The following ADPRS variants were observed in gnomAD, a reference collection of about 807,000 sequenced individuals.
The protein encoded by ADPRS is ADP-ribosylhydrolase ARH3.
In ADPRS, 25 loss-of-function variants were observed where a neutral mutation model predicts 32.1. The observed-to-expected ratio is 0.78, with a 90% confidence interval of 0.57 to 1.09. The LOEUF (loss-of-function observed/expected upper bound fraction) is 1.09. ADPRS is among the 50% of genes least tolerant of loss of function. The probability of loss-of-function intolerance (pLI) is 0.00; values close to 1 mark genes in which losing one functional copy is unlikely to be tolerated. For synonymous variants in ADPRS, 225 were observed against 201.0 expected (o/e 1.12, Z -1.01); for missense variants, 482 against 480.6 (o/e 1.00, Z -0.03).
chr1:36,092,037 T>C lies in ADPRS; in HGVS notation c.644T>C (p.Leu215Pro). ...ESSSEHFLKQ[L>P]LGHMEDLEGD... ...TCCAGCGAGCACTTTCTCAAGCAAC[T>C]CCTGGGCCACATGGAGGATCTGGAG... is the stretch of plus-strand genomic sequence containing the variant. Residue 215 changes from leucine to proline, a missense_variant, in exon 4 of 6, where the codon CTC (leucine) becomes CCC (proline). Transcript: ENST00000373178. 1 of 1,613,928 alleles carries C rather than the reference T, an allele frequency of 6.2e-7. No homozygotes were observed. Among genetic ancestry groups the C allele is most frequent in the Non-Finnish European group, 8.5e-7 (1 of 1,179,942 alleles).
rs141054696 is a variant in ADPRS at position 36,090,234 on chromosome 1, A to C, written c.212-1010A>C. ...CTACTCCAGAGACTGAGGTGGAAGGATCATCGCTTAAGTCCAGGAGTTCGA... is the reference window on the plus strand; with the variant it reads ...CTACTCCAGAGACTGAGGTGGAAGGCTCATCGCTTAAGTCCAGGAGTTCGA... On this transcript the variant is annotated intron_variant, in intron 1 of 5. Transcript: ENST00000373178. Among the ~76,000 whole-genome samples, 1,318 of 152,232 alleles carry C rather than the reference A, an allele frequency of 8.7e-3. 11 individuals are homozygous for C. The highest frequency in any genetic ancestry group is 0.015 in the South Asian group (72 of 4,822).
rs1223575077 is a variant in ADPRS, at chr1:36,088,922, G to GGCGGCA, written c.26_31dup (p.Ala9_Ala10dup). Reference sequence around the variant, plus strand: ...GCGCGCGGATGGCCGCAGCGGCGATGGCGGCAGCGGCAGGTGGAGGGGCTG... The same window carrying GGCGGCA: ...GCGCGCGGATGGCCGCAGCGGCGATGGCGGCAGCGGCAGCGGCAGGTGGAGGGGCTG... On this transcript the variant is annotated inframe_insertion, in exon 1 of 6. Coordinates refer to ENST00000373178, the MANE Select transcript of ADPRS (RefSeq NM_017825.3). 7.9e-6 allele frequency: 12 copies of GGCGGCA among 1,526,048 alleles called. No homozygotes were observed. The East Asian group carries it at 2.8e-4, about 36-fold the overall frequency. 94.5% of individuals were successfully genotyped at this position (1,526,048 alleles called of 1,614,324 possible). A position where few individuals can be genotyped will look rare whatever the true frequency, so the allele number is the denominator to read the frequency against.
rs561337860 is a variant in ADPRS at position 36,093,278 on chromosome 1, C to T, written c.984C>T (p.Ala328=). 3.1e-6 allele frequency: 5 copies of T among 1,614,258 alleles called. No individual in the cohort carries two copies. In the Admixed American group the frequency reaches 5.0e-5, roughly 16 times the overall value. The change falls in exon 6 of 6, where the codon GCC becomes GCT. Residue 328 remains alanine (A), a synonymous_variant. Coordinates refer to ENST00000373178, the MANE Select transcript of ADPRS (RefSeq NM_017825.3). ...CCATGGCTGGGGCCATTGCTGGTGC[C>T]TACTATGGGATGGATCAGGTGCCAG... ...IATMAGAIAG[A]YYGMDQVPES...
At chr1:36,089,194 C>T (rs1643443691) in intron 1 of ADPRS, 79 bp downstream of exon 1, 3 of 1,344,014 alleles carry the variant, frequency 2.2e-6, no homozygotes, top group South Asian at 3.6e-5. Context: ...GGCGACGGGT[C>T]GGGGGTGCGC....
Position 36,088,898 on chromosome 1 carries a change from C to G in ADPRS, c.-7C>G. The G allele has an allele frequency of 6.6e-7, 1 of 1,524,964 alleles. No homozygotes were observed. The allele number at this position is 1,524,964 out of a possible 1,614,324, so 94.5% of individuals were successfully genotyped here. A position where few individuals can be genotyped will look rare whatever the true frequency, so the allele number is the denominator to read the frequency against. On this transcript the variant is annotated 5_prime_UTR_variant, in exon 1 of 6. Coordinates refer to ENST00000373178, the MANE Select transcript of ADPRS (RefSeq NM_017825.3). Reference sequence around the variant, plus strand: ...GGCACCGGAAGTGGCGAGCAGTCTGCGCGCGGATGGCCGCAGCGGCGATGG... The same window carrying G: ...GGCACCGGAAGTGGCGAGCAGTCTGGGCGCGGATGGCCGCAGCGGCGATGG...
At position 36,089,088 on chromosome 1, in the gene ADPRS, C is replaced by A; in HGVS notation, c.184C>A (p.Pro62Thr). 7.0e-7 allele frequency: 1 copy of A among 1,430,660 alleles called. No individual in the cohort carries two copies. Among genetic ancestry groups the A allele is most frequent in the South Asian group, 1.5e-5 (1 of 65,630 alleles). 88.6% of individuals were successfully genotyped at this position (1,430,660 alleles called of 1,614,324 possible). A position where few individuals can be genotyped will look rare whatever the true frequency, so the allele number is the denominator to read the frequency against. Residue 62 changes from proline to threonine, a missense_variant, in exon 1 of 6, where the codon CCC becomes ACC. By Grantham distance (38) the Pro-to-Thr change is conservative. Transcript: ENST00000373178. ...LRHVQSLEPD[P>T]GTPGSERTEA... Reference sequence around the variant, plus strand: ...TCATGTCCAGAGTCTGGAGCCGGACCCCGGCACGCCCGGGAGTGAGCGGAC... The same window carrying A: ...TCATGTCCAGAGTCTGGAGCCGGACACCGGCACGCCCGGGAGTGAGCGGAC...
intron 5 of ADPRS, 90 bp downstream of exon 5, chr1:36,092,612 C>A: frequency 2.5e-6 from 3 of 1,210,400 alleles, no homozygotes; most frequent in Admixed American, 1.9e-5. Context: ...TGCCTGCCGT[C>A]GCATTGTACC....
In ADPRS at chr1:36,091,350, A is replaced by C; in HGVS notation, c.308+10A>C. The C allele has an allele frequency of 6.2e-7, 1 of 1,612,782 alleles. No homozygotes were observed. The highest frequency in any genetic ancestry group is 8.5e-7 in the Non-Finnish European group (1 of 1,178,998). The stretch of plus-strand genomic sequence containing the variant: ...TGGACATGGCTCACAGGTGAGGGGG[A>C]TGGTCCTGGGCTGAGGCAAACCAGG... On this transcript the variant is annotated intron_variant, in intron 2 of 5. Transcript: ENST00000373178.
chr1:36,089,109 C>A lies in ADPRS; in HGVS notation c.205C>A (p.Arg69=). The change falls in exon 1 of 6, where the codon CGG becomes AGG. Residue 69 remains arginine (R), a synonymous_variant. Transcript: ENST00000373178. ...EPDPGTPGSE[R]TEALYYTDDT... is the part of the protein sequence containing the mutation. ...GGACCCCGGCACGCCCGGGAGTGAG[C>A]GGACAGGTGGGCGGGGCCGGGCGCA... is the stretch of plus-strand genomic sequence containing the variant. 2 of 1,417,278 alleles carry A rather than the reference C, an allele frequency of 1.4e-6. No individual in the cohort carries two copies. Among genetic ancestry groups the A allele is most frequent in the East Asian group, 2.9e-5 (1 of 34,622 alleles). 87.8% of individuals were successfully genotyped at this position (1,417,278 alleles called of 1,614,324 possible). A position where few individuals can be genotyped will look rare whatever the true frequency, so the allele number is the denominator to read the frequency against.
chr1:36,090,679 C>CGAA, intron 1 of ADPRS, among the ~76,000 whole-genome samples: 1 of 65,358 alleles, frequency 1.5e-5, no homozygotes, highest in Middle Eastern at 0.021. Flanking sequence ...TCCATCTCTA[C>CGAA]AAAAAAAAAA....
At chr1:36,092,192 C>T in intron 4 of ADPRS, 98 bp downstream of exon 4, 6 of 1,460,616 alleles carry the variant, frequency 4.1e-6, no homozygotes, top group Non-Finnish European at 5.5e-6. Context: ...ATTGCAGACC[C>T]TAGGGAGGCA....
Position 36,088,922 on chromosome 1 carries a change from G to A in ADPRS, c.18G>A (p.Met6Ile), listed in dbSNP as rs1330549282. 4 of 1,526,166 alleles carry A rather than the reference G, an allele frequency of 2.6e-6. No homozygotes were observed. The highest frequency in any genetic ancestry group is 3.5e-6 in the Non-Finnish European group (4 of 1,141,564). 94.5% of individuals were successfully genotyped at this position (1,526,166 alleles called of 1,614,324 possible). A position where few individuals can be genotyped will look rare whatever the true frequency, so the allele number is the denominator to read the frequency against. ...GCGCGCGGATGGCCGCAGCGGCGAT[G>A]GCGGCAGCGGCAGGTGGAGGGGCTG... is the stretch of plus-strand genomic sequence containing the variant. The part of the protein sequence containing the change: MAAAA[M>I]AAAAGGGAGA... Residue 6 changes from methionine (M) to isoleucine (I), a missense_variant, in exon 1 of 6, where the codon ATG becomes ATA. Transcript: ENST00000373178.
intron 1 of ADPRS, among the ~76,000 whole-genome samples, chr1:36,090,760 G>A (rs1643469777): frequency 1.3e-5 from 2 of 149,854 alleles, no homozygotes; most frequent in African/African-American, 4.9e-5. Context: ...GCTGGGGCAA[G>A]AGGCTCCTTG....
chr1:36,093,610 A>G lies in ADPRS; in HGVS notation c.*224A>G, dbSNP rs1354836750. 4 of 594,116 alleles carry G rather than the reference A, an allele frequency of 6.7e-6. No individual in the cohort carries two copies. Among genetic ancestry groups the G allele is most frequent in the Non-Finnish European group, 1.2e-5 (4 of 341,732 alleles). The allele number at this position is 594,116 out of a possible 1,614,324, so 36.8% of individuals were successfully genotyped here. On this transcript the variant is annotated 3_prime_UTR_variant, in exon 6 of 6. Transcript: ENST00000373178. The stretch of plus-strand genomic sequence containing the variant: ...GGTCTCTGGTTTGCTGCAGAGCCGT[A>G]GGACACTCCTGGCTCCTCAGTAGGA...
chr1:36,093,168 C>G lies in ADPRS; in HGVS notation c.874C>G (p.Pro292Ala), dbSNP rs775431453. 1.2e-6 allele frequency: 2 copies of G among 1,614,222 alleles called. No homozygotes were observed. The highest frequency in any genetic ancestry group is 2.2e-5 in the South Asian group (2 of 91,090). The change falls in exon 6 of 6, where the codon CCT becomes GCT. Residue 292 changes from proline to alanine, a missense_variant. By Grantham distance (27) the Pro-to-Ala change is conservative. Transcript: ENST00000373178. ...YCFLRCMEPD[P>A]EIPSAFNSLQ... The stretch of plus-strand genomic sequence containing the variant: ...CTTCCTACGCTGCATGGAGCCAGAC[C>G]CTGAGATCCCTTCTGCCTTCAATAG...
At chr1:36,090,483 A>C (rs565421790) in intron 1 of ADPRS, among the ~76,000 whole-genome samples, 1 of 152,202 alleles carries the variant, frequency 6.6e-6, no homozygotes, top group South Asian at 2.1e-4. Flanking sequence ...CATTGCTGAG[A>C]TCCTAAGGCT....
At position 36,092,150 on chromosome 1, in the gene ADPRS, C is replaced by T. The variant is rs1643493517; in HGVS notation, c.701+56C>T. On this transcript the variant is annotated intron_variant, in intron 4 of 5. Transcript: ENST00000373178. ...GGTATGTGGGTGATCCAGGGGGCCT[C>T]TGGCATTGCCGCAAACTGTAAACCT... 12 of 1,538,448 alleles carry T rather than the reference C, an allele frequency of 7.8e-6. No individual in the cohort carries two copies. In the South Asian group the frequency reaches 1.5e-4, roughly 19 times the overall value.
rs560347495 is a variant in ADPRS, at chr1:36,091,424, T to C, written c.308+84T>C. The C allele has an allele frequency of 1.4e-4, 189 of 1,381,626 alleles. 1 individual carries two copies. In the Admixed American group the frequency reaches 3.5e-3, roughly 26 times the overall value. The allele number at this position is 1,381,626 out of a possible 1,614,324, so 85.6% of individuals were successfully genotyped here. On this transcript the variant is annotated intron_variant, in intron 2 of 5. Transcript: ENST00000373178. ...ACCAGAGGAATGACATTTGTGCATG[T>C]CCACGCCCCCAACCCTCCACAGAAG...
At chr1:36,093,037 G>C in intron 5 of ADPRS, 60 bp from the exon 6 acceptor site, 1 of 1,559,492 alleles carries the variant, frequency 6.4e-7, no homozygotes, top group Non-Finnish European at 8.7e-7. Context: ...GTGCTGACTT[G>C]TGTCAAATGG....
Sources: allele counts gnomAD v4.1 joint callset (sites outside exome capture counted in the v4.1 genomes callset), GRCh38; gene constraint gnomAD v4.1.1; transcripts MANE v1.5; gene names NCBI Gene and HGNC (gene_info 2026-07-23, HGNC 2026-07-21).